HNF1A: variants seen among roughly 807,000 people sequenced by gnomAD.
HNF1A encodes hepatocyte nuclear factor 1-alpha.
In HNF1A, 21 loss-of-function variants were observed where a neutral mutation model predicts 62.2. That is an observed-to-expected ratio of 0.34 (90% CI 0.24 to 0.49). HNF1A has a LOEUF of 0.49. Among genes scored for constraint, HNF1A ranks in the 20% least tolerant of loss-of-function variants. The pLI is 0.99. For missense variants in HNF1A, 687 were observed against 832.3 expected (o/e 0.83, Z 2.15); for synonymous variants, 374 against 366.8 (o/e 1.02, Z -0.22).
chr12:120,997,742 C>G (rs1877188288), intron 7 of HNF1A, 77 bp downstream of exon 7: 1 of 1,447,532 alleles, frequency 6.9e-7, no homozygotes, highest in Admixed American at 2.0e-5. Context: ...AAAGGGGTGC[C>G]TGGCAGGCAT....
chr12:120,988,353 C>A (rs1437583362), intron 1 of HNF1A, among the ~76,000 whole-genome samples: 1 of 151,814 alleles, frequency 6.6e-6, no homozygotes, highest in Non-Finnish European at 1.5e-5. Flanking sequence ...CCACTCTACC[C>A]TACCATCCAT....
chr12:120,993,474 A>C (rs1352388617), intron 2 of HNF1A, 46 bp from the exon 3 acceptor site: 2 of 1,585,598 alleles, frequency 1.3e-6, no homozygotes, highest in Non-Finnish European at 1.7e-6. Context: ...GGACGTGGGA[A>C]GGTGAGAGTG....
At position 120,994,293 on chromosome 12, in the gene HNF1A, G is replaced by A. The variant is rs976606509; in HGVS notation, c.843G>A (p.Leu281=). 1 of 1,613,044 alleles carries A rather than the reference G, an allele frequency of 6.2e-7. No homozygotes were observed. The highest frequency in any genetic ancestry group is 8.5e-7 in the Non-Finnish European group (1 of 1,179,602). ...AAGAAGAAGCCTTCCGGCACAAGCT[G>A]GCCATGGACACGTACAGCGGGCCCC... ...RRKEEAFRHK[L]AMDTYSGPPP... Residue 281 remains leucine, a synonymous_variant, in exon 4 of 10, where the codon CTG becomes CTA. Coordinates refer to ENST00000257555, the MANE Select transcript of HNF1A (RefSeq NM_000545.8).
intron 6 of HNF1A, chr12:120,997,017 A>G: frequency 6.6e-7 from 1 of 1,514,210 alleles, no homozygotes; most frequent in Non-Finnish European, 8.9e-7. Context: ...GGCAAATTAC[A>G]GCAGGGTAAG....
Position 120,989,136 on chromosome 12 carries a change from G to A in HNF1A, c.526+104G>A, listed in dbSNP as rs1198167262. On this transcript the variant is annotated intron_variant, in intron 2 of 9. Transcript: ENST00000257555. ...TTCACCATCCCCATTACACAGACAG[G>A]TAGATGGAAAGGAAGTCAGTGGGAT... 2.7e-6 allele frequency: 3 copies of A among 1,117,862 alleles called. No homozygotes were observed. In the African/African-American group the frequency reaches 4.6e-5, roughly 17 times the overall value. The allele number at this position is 1,117,862 out of a possible 1,614,324, so 69.2% of individuals were successfully genotyped here.
At position 120,978,847 on chromosome 12, in the gene HNF1A, A is replaced by T. The variant is rs1169288; in HGVS notation, c.79A>T (p.Ile27Phe). ...LESGLSKEAL[I>F]QALGEPGPYL... ...GTCAGGGCTGAGCAAAGAGGCACTGATCCAGGCACTGGGTGAGCCGGGGCC... is the reference window on the plus strand; with the variant it reads ...GTCAGGGCTGAGCAAAGAGGCACTGTTCCAGGCACTGGGTGAGCCGGGGCC... Residue 27 changes from isoleucine to phenylalanine, a missense_variant, in exon 1 of 10, where the codon ATC (isoleucine) becomes TTC (phenylalanine). By Grantham distance (21) the Ile-to-Phe change is conservative. Around this residue, in one of 5 missense-constraint regions of HNF1A, gnomAD observed 159 missense variants for 154.4 expected, o/e 1.03. Transcript: ENST00000257555. 6.2e-7 allele frequency: 1 copy of T among 1,612,754 alleles called. No homozygotes were observed. The highest frequency in any genetic ancestry group is 8.5e-7 in the Non-Finnish European group (1 of 1,179,590).
chr12:120,999,410 C>G, intron 8 of HNF1A, 21 bp downstream of exon 8: 1 of 1,613,810 alleles, frequency 6.2e-7, no homozygotes, highest in Non-Finnish European at 8.5e-7. Context: ...GGCCTGCTGG[C>G]CCTCCCTTGG....
At chr12:120,990,332 G>A (rs1044346204) in intron 2 of HNF1A, among the ~76,000 whole-genome samples, 3 of 151,488 alleles carry the variant, frequency 2.0e-5, no homozygotes, top group African/African-American at 2.4e-5. Context: ...TAGTAGAGTC[G>A]GGGTTTCACC....
chr12:120,994,441 G>T, intron 4 of HNF1A, 36 bp downstream of exon 4: 1 of 1,568,092 alleles, frequency 6.4e-7, no homozygotes. Context: ...CACGTGGGAA[G>T]GTGGGAGGGT....
chr12:120,987,474 CAAAA>C (rs59729082), intron 1 of HNF1A, among the ~76,000 whole-genome samples: 1 of 62,308 alleles, frequency 1.6e-5, no homozygotes, highest in Admixed American at 1.9e-4. Flanking sequence ...GACTCCATCT[CAAAA>C]AAAAAAAAAA....
At chr12:120,999,653 C>T (rs1877326203) in intron 9 of HNF1A, 26 bp downstream of exon 9, 1 of 1,598,302 alleles carries the variant, frequency 6.3e-7, no homozygotes, top group Non-Finnish European at 8.5e-7. Flanking sequence ...TCCACCCCCT[C>T]CCTTACTGTC....
Position 120,996,293 on chromosome 12 carries a change from G to C in HNF1A, c.987G>C (p.Glu329Asp). 6.2e-7 allele frequency: 1 copy of C among 1,614,178 alleles called. No homozygotes were observed. Among genetic ancestry groups the C allele is most frequent in the Non-Finnish European group, 8.5e-7 (1 of 1,180,032 alleles). ...GVRYGQPATS[E>D]TAEVPSSSGG... ...GCTATGGACAGCCTGCGACCAGTGA[G>C]ACTGCAGAAGTACCCTCAAGCAGCG... The change falls in exon 5 of 10, where the codon GAG becomes GAC. Residue 329 changes from glutamate (E) to aspartate (D), a missense_variant. Physicochemically the swap from Glu to Asp is conservative, Grantham distance 45 (BLOSUM62 2). Coordinates refer to ENST00000257555, the MANE Select transcript of HNF1A (RefSeq NM_000545.8). The surrounding 1 kb of genome is among the most constrained non-coding windows in gnomAD (Gnocchi z 4.5).
At chr12:120,994,552 G>A in intron 4 of HNF1A, 147 bp downstream of exon 4, 1 of 901,614 alleles carries the variant, frequency 1.1e-6, no homozygotes, top group Non-Finnish European at 1.7e-6. Flanking sequence ...ACTTCACTCT[G>A]TTCATTCATC....
chr12:120,990,133 T>C (rs1876738760), intron 2 of HNF1A, among the ~76,000 whole-genome samples: 1 of 151,352 alleles, frequency 6.6e-6, no homozygotes, highest in African/African-American at 2.4e-5. Context: ...CCAGGTTAAT[T>C]TTTTTTTATT....
In HNF1A at chr12:121,002,258, A is replaced by T. The variant is rs899927940; in HGVS notation, c.*1066A>T. On this transcript the variant is annotated 3_prime_UTR_variant, in exon 10 of 10. Coordinates refer to ENST00000257555, the MANE Select transcript of HNF1A (RefSeq NM_000545.8). ...CCTGGGGGCCTGGCTGGCTGAGGGC[A>T]GTTCGCAGCCACCCTGAGGAGTCTG... 2.3e-6 allele frequency: 1 copy of T among 440,736 alleles called. No homozygotes were observed. Among genetic ancestry groups the T allele is most frequent in the Non-Finnish European group, 4.3e-6 (1 of 231,340 alleles). 27.3% of individuals were successfully genotyped at this position (440,736 alleles called of 1,614,324 possible).
At chr12:120,982,053 G>A (rs1876271750) in intron 1 of HNF1A, among the ~76,000 whole-genome samples, 1 of 152,204 alleles carries the variant, frequency 6.6e-6, no homozygotes, top group African/African-American at 2.4e-5. Flanking sequence ...TCAAACCCCA[G>A]CGTGTTTCTT....
Position 120,994,176 on chromosome 12 carries a change from C to T in HNF1A, c.726C>T (p.Ile242=), listed in dbSNP as rs753567494. 1 of 1,613,272 alleles carries T rather than the reference C, an allele frequency of 6.2e-7. No individual in the cohort carries two copies. Among genetic ancestry groups the T allele is most frequent in the Non-Finnish European group, 8.5e-7 (1 of 1,179,704 alleles). The change falls in exon 4 of 10, where the codon ATC becomes ATT. Residue 242 remains isoleucine (I), a synonymous_variant. Coordinates refer to ENST00000257555, the MANE Select transcript of HNF1A (RefSeq NM_000545.8). ...GCTATTTCTGCAGGGCGGAATGCAT[C>T]CAGAGAGGGGTGTCCCCATCACAGG... ...LVEECNRAEC[I]QRGVSPSQAQ... is the part of the protein sequence containing the mutation.
chr12:120,999,791 T>C (rs1256116069), intron 9 of HNF1A, among the ~76,000 whole-genome samples, 164 bp downstream of exon 9: 1 of 152,002 alleles, frequency 6.6e-6, no homozygotes, highest in African/African-American at 2.4e-5. Flanking sequence ...TGGGCTTCCA[T>C]GAAGCCCAAG....
intron 4 of HNF1A, 79 bp downstream of exon 4, chr12:120,994,484 T>C: frequency 6.7e-7 from 1 of 1,493,188 alleles, no homozygotes; most frequent in Non-Finnish European, 9.0e-7. Flanking sequence ...AGCAGTCACC[T>C]AAACCTCTTT....
Sources: allele counts gnomAD v4.1 joint callset (sites outside exome capture counted in the v4.1 genomes callset), GRCh38; gene constraint gnomAD v4.1.1; regional missense constraint gnomAD v4.1.1; non-coding constraint Gnocchi (gnomAD v3.1); transcripts MANE v1.5; gene names NCBI Gene and HGNC (gene_info 2026-07-23, HGNC 2026-07-21).